The following RALB variants were observed in gnomAD, a reference collection of about 807,000 sequenced individuals.
RALB encodes ras-related protein Ral-B.
Under a neutral mutation model 21.3 loss-of-function variants are expected in RALB, and 16 were observed. That is an observed-to-expected ratio of 0.75 (90% CI 0.51 to 1.14). RALB has a LOEUF of 1.14. RALB is among the 50% of genes most tolerant of loss of function. The pLI, the probability that RALB is intolerant of heterozygous loss-of-function variation, is 0.00. For synonymous variants in RALB, 93 were observed against 96.1 expected (o/e 0.97, Z 0.19); for missense variants, 161 against 256.2 (o/e 0.63, Z 2.54).
chr2:120,281,406 G>A (rs1689987162), intron 2 of RALB, among the ~76,000 whole-genome samples: 1 of 152,230 alleles, frequency 6.6e-6, no homozygotes, highest in African/African-American at 2.4e-5. Flanking sequence ...CCGGGGGTGA[G>A]ATCGCTGGAG....
intron 3 of RALB, among the ~76,000 whole-genome samples, chr2:120,288,891 T>C (rs1203914555): frequency 6.6e-6 from 1 of 152,222 alleles, no homozygotes; most frequent in Non-Finnish European, 1.5e-5. Flanking sequence ...TGTGTCTGCA[T>C]GGAAACTGGG....
At chr2:120,251,124 G>C (rs1450488744), upstream of RALB, among the ~76,000 whole-genome samples, 1 of 152,178 alleles carries the variant, frequency 6.6e-6, no homozygotes, top group African/African-American at 2.4e-5. Flanking sequence ...GTAGAATCCT[G>C]GCCTGTGGCC....
intron 4 of RALB, 80 bp from the exon 5 acceptor site, chr2:120,293,061 G>A (rs1480597789): frequency 2.2e-5 from 31 of 1,382,142 alleles, no homozygotes; most frequent in Non-Finnish European, 2.5e-5. Context: ...TGTGTTCACA[G>A]TGTCAGGTTA....
chr2:120,286,129 T>G (rs1329620942), intron 3 of RALB, 47 bp downstream of exon 3: 1 of 1,532,420 alleles, frequency 6.5e-7, no homozygotes. Flanking sequence ...GCTTTTTGCC[T>G]TTTCTCATAT....
chr2:120,289,706 G>T lies in RALB; in HGVS notation c.450G>T (p.Trp150Cys). Residue 150 changes from tryptophan (W) to cysteine (C), a missense_variant, in exon 4 of 5, where the codon TGG (tryptophan) becomes TGT (cysteine). Physicochemically the swap from Trp to Cys is radical, Grantham distance 215. Transcript: ENST00000272519. ...VEEARSKAEE[W>C]GVQYVETSAK... ...AGGCCAGGAGTAAAGCCGAAGAGTG[G>T]GGCGTGCAGTACGTGGAGACGTCAG... 1.2e-6 allele frequency: 2 copies of T among 1,614,190 alleles called. No homozygotes were observed. Among genetic ancestry groups the T allele is most frequent in the Non-Finnish European group, 1.7e-6 (2 of 1,180,030 alleles).
chr2:120,259,002 G>A (rs542266659), intron 1 of RALB, among the ~76,000 whole-genome samples: 4 of 152,042 alleles, frequency 2.6e-5, no homozygotes, highest in Admixed American at 6.6e-5. Context: ...AGACCTTCGC[G>A]GTGAGTGTTA....
chr2:120,257,149 A>C (rs1045464296), intron 1 of RALB, among the ~76,000 whole-genome samples: 1 of 152,198 alleles, frequency 6.6e-6, no homozygotes, highest in Non-Finnish European at 1.5e-5. Flanking sequence ...GTAAAAAAAT[A>C]TTGCCAAAGT....
intron 3 of RALB, among the ~76,000 whole-genome samples, chr2:120,288,511 C>A (rs1311803334): frequency 2.0e-5 from 3 of 151,780 alleles, no homozygotes; most frequent in Admixed American, 2.0e-4. Flanking sequence ...TGAAATGTTA[C>A]CCTATACCAT....
intron 1 of RALB, among the ~76,000 whole-genome samples, chr2:120,270,056 T>G (rs1414968228): frequency 6.6e-6 from 1 of 152,176 alleles, no homozygotes; most frequent in African/African-American, 2.4e-5. Context: ...TACTTCTTCA[T>G]TTTTTGCCCG....
Position 120,253,590 on chromosome 2 carries a change from G to T in RALB, c.-48+610G>T, listed in dbSNP as rs967486817. 4.1e-6 allele frequency: 4 copies of T among 985,378 alleles called. No individual in the cohort carries two copies. In the African/African-American group the frequency reaches 7.0e-5, roughly 17 times the overall value. 61.0% of individuals were successfully genotyped at this position (985,378 alleles called of 1,614,324 possible). ...GGGCATCGCCGTCCCGGTTCTTGCC[G>T]CCTGTGGGAGTGTGAGGTTAACCGT... On this transcript the variant is annotated intron_variant, in intron 1 of 4. Coordinates refer to ENST00000272519, the MANE Select transcript of RALB (RefSeq NM_002881.3).
chr2:120,267,090 G>T (rs974055428), intron 1 of RALB, among the ~76,000 whole-genome samples: 7 of 152,214 alleles, frequency 4.6e-5, no homozygotes, highest in African/African-American at 1.2e-4. Flanking sequence ...AGTAGGAATA[G>T]CATGTGCACA....
chr2:120,293,310 G>A lies in RALB; in HGVS notation c.*50G>A. 1 of 1,537,136 alleles carries A rather than the reference G, an allele frequency of 6.5e-7. No homozygotes were observed. The highest frequency in any genetic ancestry group is 8.7e-7 in the Non-Finnish European group (1 of 1,144,246). ...GCTGCTCCTAAGGACACAGGGCTGG[G>A]TTGGTAAAGAGAAGGCTATGGTTGA... On this transcript the variant is annotated 3_prime_UTR_variant, in exon 5 of 5. Coordinates refer to ENST00000272519, the MANE Select transcript of RALB (RefSeq NM_002881.3).
At chr2:120,276,473 C>T (rs189594122) in intron 1 of RALB, among the ~76,000 whole-genome samples, 21 of 152,024 alleles carry the variant, frequency 1.4e-4, no homozygotes, top group Admixed American at 3.3e-4. Flanking sequence ...CAGGGTGGTG[C>T]GTGCCTGTAT....
intron 3 of RALB, among the ~76,000 whole-genome samples, chr2:120,287,955 A>G (rs976462163): frequency 2.0e-5 from 3 of 152,238 alleles, no homozygotes; most frequent in Admixed American, 2.0e-4. Flanking sequence ...TTTGTGTACT[A>G]TCTTCCAAAT....
intron 2 of RALB, among the ~76,000 whole-genome samples, chr2:120,281,493 G>A (rs993990263): frequency 6.6e-5 from 10 of 152,084 alleles, no homozygotes; most frequent in Admixed American, 2.0e-4. Context: ...CCAGTATTAC[G>A]TGTGTAATTT....
intron 1 of RALB, among the ~76,000 whole-genome samples, chr2:120,275,884 CAG>C (rs1476710919): frequency 1.3e-4 from 20 of 152,252 alleles, no homozygotes; most frequent in African/African-American, 4.6e-4. Flanking sequence ...TTCTCTGCCA[CAG>C]AGAGTAGTCC....
chr2:120,256,420 GTAATCCCCA>G (rs1010542048), intron 1 of RALB, among the ~76,000 whole-genome samples: 59 of 152,182 alleles, frequency 3.9e-4, no homozygotes, highest in Admixed American at 2.8e-3. Context: ...ACCTTGAATT[GTAATCCCCA>G]TAATCCCCAT....
At position 120,277,939 on chromosome 2, in the gene RALB, G is replaced by A. The variant is rs941581036; in HGVS notation, c.-47-679G>A. 8.9e-5 allele frequency among the ~76,000 whole-genome samples: 7 copies of A among 78,686 alleles called. No individual in the cohort carries two copies. The East Asian group carries it at 1.6e-3, about 18-fold the overall frequency. The allele number at this position is 78,686 out of a possible 152,430, so 51.6% of individuals were successfully genotyped here. A position where few individuals can be genotyped will look rare whatever the true frequency, so the allele number is the denominator to read the frequency against. ...TGAGTTAATGTGAGCGTGTGTGAGC[G>A]AGTGTGAATGTGTGAATGTGAGTGA... is the stretch of plus-strand genomic sequence containing the variant. On this transcript the variant is annotated intron_variant, in intron 1 of 4. Coordinates refer to ENST00000272519, the MANE Select transcript of RALB (RefSeq NM_002881.3).
rs756687512 is a variant in RALB, at chr2:120,289,683, G to T, written c.427G>T (p.Ala143Ser). The change falls in exon 4 of 5, where the codon GCC becomes TCC. Residue 143 changes from alanine to serine, a missense_variant. Coordinates refer to ENST00000272519, the MANE Select transcript of RALB (RefSeq NM_002881.3). ...GCGGAGGCAGGTGCCTGTGGAGGAG[G>T]CCAGGAGTAAAGCCGAAGAGTGGGG... ...EERRQVPVEE[A>S]RSKAEEWGVQ... The T allele has an allele frequency of 3.7e-6, 6 of 1,614,050 alleles. No homozygotes were observed. In the Admixed American group the frequency reaches 6.7e-5, roughly 18 times the overall value.
Sources: gnomAD v4.1 joint callset for allele counts (sites outside exome capture counted in the v4.1 genomes callset) on GRCh38, gnomAD v4.1.1 for gene constraint, MANE v1.5 for transcripts, NCBI Gene and HGNC (gene_info 2026-07-23, HGNC 2026-07-21) for gene names.